The following RBFOX1 variants were observed in gnomAD, a reference collection of about 807,000 sequenced individuals.
RBFOX1 encodes the protein RNA binding fox-1 homolog 1.
A neutral mutation model predicts 57.7 loss-of-function variants in RBFOX1; 8 were observed. That is an observed-to-expected ratio of 0.14 (90% CI 0.08 to 0.25). The LOEUF (loss-of-function observed/expected upper bound fraction) is 0.25, where lower values mean the gene tolerates loss of function less well. RBFOX1 is among the 10% of genes least tolerant of loss of function. RBFOX1 has a pLI of 1.00. For synonymous variants in RBFOX1, 326 were observed against 222.4 expected, an observed-to-expected ratio of 1.47 and a Z score of -4.15; for missense variants, 611 against 548.5, an observed-to-expected ratio of 1.11 and a Z score of -1.14.
intron 3 of RBFOX1, among the ~76,000 whole-genome samples, chr16:5,613,854 G>T (rs951632093): frequency 5.9e-5 from 9 of 151,512 alleles, no homozygotes; most frequent in Non-Finnish European, 1.2e-4. Flanking sequence ...TTCTATGGAT[G>T]AGCATAGAAG....
At chr16:7,619,314 A>G (rs2058945568) in intron 10 of RBFOX1, among the ~76,000 whole-genome samples, 2 of 152,224 alleles carry the variant, frequency 1.3e-5, no homozygotes, top group Admixed American at 6.5e-5. Context: ...CATTTTTGAA[A>G]ATGATTTTCA....
At chr16:6,538,085 AATT>A (rs2096760120) in intron 2 of RBFOX1, among the ~76,000 whole-genome samples, 1 of 152,016 alleles carries the variant, frequency 6.6e-6, no homozygotes, top group African/African-American at 2.4e-5. Context: ...ATAAATATAA[AATT>A]ATGTGAATTG....
chr16:6,379,447 A>G (rs1314688088), intron 2 of RBFOX1, among the ~76,000 whole-genome samples: 2 of 152,064 alleles, frequency 1.3e-5, no homozygotes, highest in African/African-American at 2.4e-5. Flanking sequence ...TCAGTGAACT[A>G]TATCGTCACC....
At chr16:7,182,255 G>C (rs2082866249) in intron 4 of RBFOX1, among the ~76,000 whole-genome samples, 1 of 152,100 alleles carries the variant, frequency 6.6e-6, no homozygotes, top group Admixed American at 6.5e-5. Context: ...CCTTCGCTTT[G>C]TAAACAGTGA....
chr16:6,029,187 G>C (rs949868082), intron 1 of RBFOX1, among the ~76,000 whole-genome samples: 2 of 152,154 alleles, frequency 1.3e-5, no homozygotes, highest in African/African-American at 4.8e-5. Context: ...TTTGTGGAAA[G>C]ATATTTTGTT....
At chr16:5,575,171 C>G (rs771273198) in intron 2 of RBFOX1, among the ~76,000 whole-genome samples, 5 of 152,114 alleles carry the variant, frequency 3.3e-5, no homozygotes, top group Non-Finnish European at 5.9e-5. Flanking sequence ...CTTCTGTTAC[C>G]CTAAACACAC....
intron 2 of RBFOX1, among the ~76,000 whole-genome samples, chr16:6,521,586 T>C (rs1366545798): frequency 1.3e-5 from 2 of 151,588 alleles, no homozygotes; most frequent in African/African-American, 2.4e-5. Context: ...CTTTAATCTT[T>C]TTTCCTTAAA....
chr16:6,099,126 A>T (rs2096277012), intron 1 of RBFOX1, among the ~76,000 whole-genome samples: 1 of 152,198 alleles, frequency 6.6e-6, no homozygotes. Flanking sequence ...AAATAGGTCG[A>T]ACCCGATTTG....
At chr16:6,218,962 A>G (rs4786839) in intron 1 of RBFOX1, among the ~76,000 whole-genome samples, 142,791 of 152,116 alleles carry the variant, frequency 0.94, 67,631 homozygotes, top group East Asian at 1. Flanking sequence ...ACATAAAAGC[A>G]TAATAGTCAG....
intron 4 of RBFOX1, among the ~76,000 whole-genome samples, chr16:7,096,035 G>T (rs1007142287): frequency 1.4e-5 from 2 of 144,228 alleles, no homozygotes; most frequent in Non-Finnish European, 3.0e-5. Context: ...AAAAAGAAAA[G>T]AAAAGAAAAA....
At chr16:7,514,939 C>T (rs539392112) in intron 4 of RBFOX1, among the ~76,000 whole-genome samples, 1 of 152,168 alleles carries the variant, frequency 6.6e-6, no homozygotes, top group Non-Finnish European at 1.5e-5. Flanking sequence ...AGGAGGGAAA[C>T]CTTTGTCTTC....
At chr16:5,845,385 G>T (rs1379797951) in intron 3 of RBFOX1, among the ~76,000 whole-genome samples, 2 of 152,124 alleles carry the variant, frequency 1.3e-5, no homozygotes, top group African/African-American at 2.4e-5. Flanking sequence ...CTTCTCCAAG[G>T]AGGTCCACAT....
intron 1 of RBFOX1, among the ~76,000 whole-genome samples, chr16:6,126,752 A>G (rs778774716): frequency 2.0e-5 from 3 of 152,160 alleles, no homozygotes; most frequent in African/African-American, 4.8e-5. Context: ...CATTCACATA[A>G]TAGTCAACAT....
chr16:7,682,742 T>C (rs1017764408), intron 14 of RBFOX1, among the ~76,000 whole-genome samples: 14 of 151,458 alleles, frequency 9.2e-5, no homozygotes, highest in African/African-American at 3.4e-4. Context: ...GAACTCCAGG[T>C]TGAGCACGTG....
At chr16:5,461,850 C>A (rs2021864) in intron 1 of RBFOX1, among the ~76,000 whole-genome samples, 5 of 151,954 alleles carry the variant, frequency 3.3e-5, no homozygotes, top group Non-Finnish European at 5.9e-5. Flanking sequence ...AGGCATTTAT[C>A]TTTGAGAGCC....
chr16:6,572,652 T>A (rs1054800647), intron 2 of RBFOX1, among the ~76,000 whole-genome samples: 2 of 151,898 alleles, frequency 1.3e-5, no homozygotes, highest in African/African-American at 4.8e-5. Context: ...GAGTGCAGTG[T>A]CACTATCTCA....
At chr16:5,769,534 TC>T (rs1455524180) in intron 3 of RBFOX1, among the ~76,000 whole-genome samples, 1 of 150,360 alleles carries the variant, frequency 6.7e-6, no homozygotes, top group Non-Finnish European at 1.5e-5. Flanking sequence ...GCACCTGTAA[TC>T]CCATCTACTT....
intron 11 of RBFOX1, among the ~76,000 whole-genome samples, chr16:7,639,122 T>C (rs1568227039): frequency 6.6e-6 from 1 of 152,184 alleles, no homozygotes; most frequent in Admixed American, 6.5e-5. Flanking sequence ...GTGGTTAGTT[T>C]TGCTTGCACA....
At chr16:7,460,370 A>AAAAAAAAT (rs1251870828) in intron 4 of RBFOX1, among the ~76,000 whole-genome samples, 8 of 76,034 alleles carry the variant, frequency 1.1e-4, no homozygotes, top group African/African-American at 5.4e-4. Context: ...CATTTAGCAA[A>AAAAAAAAT]ATATATATAT....
Sources: allele counts gnomAD v4.1 joint callset (sites outside exome capture counted in the v4.1 genomes callset), GRCh38; gene constraint gnomAD v4.1.1; transcripts MANE v1.5; gene names NCBI Gene and HGNC (gene_info 2026-07-23, HGNC 2026-07-21).